G3BP1: variants seen among roughly 807,000 people sequenced by gnomAD.
The protein encoded by G3BP1 is G3BP stress granule assembly factor 1, also known as ras GTPase-activating protein-binding protein 1.
Under a neutral mutation model 58.6 loss-of-function variants are expected in G3BP1, and 35 were observed. The ratio of observed to expected loss-of-function variants is 0.60; its 90% CI spans 0.46 to 0.79. The LOEUF (loss-of-function observed/expected upper bound fraction) is 0.79. Among genes scored for constraint, G3BP1 ranks in the 30% least tolerant of loss-of-function variants. G3BP1 has a pLI of 0.00. For missense variants in G3BP1, 523 were observed against 580.8 expected (o/e 0.90, Z 1.02); for synonymous variants, 191 against 195.4 (o/e 0.98, Z 0.19).
rs1762644696 is a variant in G3BP1, at chr5:151,791,057, C to T, written c.346C>T (p.Pro116Ser). The change falls in exon 4 of 12, where the codon CCT becomes TCT. Residue 116 changes from proline (P) to serine (S), a missense_variant. This residue lies in a region of G3BP1 where 398 missense variants were observed against 399.1 expected (regional missense o/e 1.00). Coordinates refer to ENST00000356245, the MANE Select transcript of G3BP1 (RefSeq NM_005754.3). The stretch of plus-strand genomic sequence containing the variant: ...ATTCATGCAAACGTTTGTCCTTGCT[C>T]CTGAGGTATGTGTAGGAATGATTAT... ...RRFMQTFVLA[P>S]EGSVANKFYV... is the part of the protein sequence containing the mutation. 1 of 1,611,862 alleles carries T rather than the reference C, an allele frequency of 6.2e-7. No individual in the cohort carries two copies. The highest frequency in any genetic ancestry group is 8.5e-7 in the Non-Finnish European group (1 of 1,178,238).
rs73281660 is a variant in G3BP1, at chr5:151,795,744, G to A, written c.539+169G>A. ...TTGACTAAACAAAAATATGTAACTT[G>A]TTTGTTAATAGTAAATTGTACTATG... is the stretch of plus-strand genomic sequence containing the variant. On this transcript the variant is annotated intron_variant, in intron 6 of 11. Coordinates refer to ENST00000356245, the MANE Select transcript of G3BP1 (RefSeq NM_005754.3). Among the ~76,000 whole-genome samples the A allele has an allele frequency of 4.4e-3, 670 of 152,280 alleles. 4 individuals are homozygous for A. Among genetic ancestry groups the A allele is most frequent in the African/African-American group, 0.016 (647 of 41,554 alleles).
At position 151,807,398 on chromosome 5, in the gene G3BP1, C is replaced by G. The variant is rs1191545447; in HGVS notation, c.*3307C>G. The G allele has an allele frequency of 1.3e-5, 2 of 152,170 alleles. No homozygotes were observed. Among genetic ancestry groups the G allele is most frequent in the Non-Finnish European group, 2.9e-5 (2 of 68,018 alleles). The allele number at this position is 152,170 out of a possible 1,614,324, so 9.4% of individuals were successfully genotyped here. On this transcript the variant is annotated 3_prime_UTR_variant, in exon 12 of 12. Transcript: ENST00000356245. ...TTTCAGTAGCATAGACCGCAATGAA[C>G]TTCCTACTGTAGGGAGACTTGAGTC... is the stretch of plus-strand genomic sequence containing the variant.
intron 4 of G3BP1, chr5:151,791,301 T>C (rs1235922526): frequency 3.1e-6 from 1 of 327,150 alleles, no homozygotes; most frequent in Non-Finnish European, 5.7e-6. Flanking sequence ...TCTTCCATTC[T>C]GTAGTACAGT....
chr5:151,793,005 C>A (rs963254477), intron 4 of G3BP1, among the ~76,000 whole-genome samples: 1 of 152,120 alleles, frequency 6.6e-6, no homozygotes, highest in East Asian at 1.9e-4. Flanking sequence ...TGTCTTATAC[C>A]TACTGCGAGC....
rs1762735737 is a variant in G3BP1, at chr5:151,795,584, AT to A, written c.539+13del. ...GATCAGGCAGTTGTCAGGTAAGAAG[AT>A]TTTGTTCACATGTCCGGGGCTGCAT... On this transcript the variant is annotated intron_variant, in intron 6 of 11. Transcript: ENST00000356245. 1.0e-5 allele frequency: 15 copies of A among 1,451,758 alleles called. No individual in the cohort carries two copies. Among genetic ancestry groups the A allele is most frequent in the Non-Finnish European group, 1.5e-5 (15 of 1,034,308 alleles). 89.9% of individuals were successfully genotyped at this position (1,451,758 alleles called of 1,614,324 possible).
At position 151,790,994 on chromosome 5, in the gene G3BP1, A is replaced by G. The variant is rs1322417447; in HGVS notation, c.283A>G (p.Met95Val). ...TLNDGVVVQV[M>V]GLLSNNNQAL... ...AAATGATGGTGTGGTAGTCCAGGTG[A>G]TGGGGCTTCTCTCTAACAACAACCA... Residue 95 changes from methionine (M) to valine (V), a missense_variant, in exon 4 of 12, where the codon ATG becomes GTG. Met to Val is a conservative substitution (Grantham distance 21). This residue lies in a region of G3BP1 where 398 missense variants were observed against 399.1 expected (regional missense o/e 1.00). Transcript: ENST00000356245. The G allele has an allele frequency of 6.2e-7, 1 of 1,613,512 alleles. No individual in the cohort carries two copies.
rs1266116077 is a variant in G3BP1 at position 151,812,487 on chromosome 5, A to G, written c.*8396A>G. 1.3e-5 allele frequency: 2 copies of G among 152,202 alleles called. No individual in the cohort carries two copies. Among genetic ancestry groups the G allele is most frequent in the African/African-American group, 2.4e-5 (1 of 41,448 alleles). The allele number at this position is 152,202 out of a possible 1,614,324, so 9.4% of individuals were successfully genotyped here. On this transcript the variant is annotated 3_prime_UTR_variant, in exon 12 of 12. Coordinates refer to ENST00000356245, the MANE Select transcript of G3BP1 (RefSeq NM_005754.3). ...AGGGAACTTTAAAGACAAAGGGTGC[A>G]TCTTTTGTGCAAGTATCTAAGCGGG...
Position 151,803,906 on chromosome 5 carries a change from G to T in G3BP1, c.1216G>T (p.Val406Phe), listed in dbSNP as rs1247699020. 1.9e-6 allele frequency: 3 copies of T among 1,613,064 alleles called. No individual in the cohort carries two copies. The highest frequency in any genetic ancestry group is 2.5e-6 in the Non-Finnish European group (3 of 1,179,060). Reference protein sequence around the residue: ...SNRPIMFRGEVRLNVEEKKTR... With the variant: ...SNRPIMFRGEFRLNVEEKKTR... ...ACAGCCCATCATGTTCAGAGGTGAG[G>T]TCCGTCTGAATGTCGAAGAGAAGAA... The change falls in exon 12 of 12, where the codon GTC (valine) becomes TTC (phenylalanine). Residue 406 changes from valine (V) to phenylalanine (F), a missense_variant. By Grantham distance (50) the Val-to-Phe change is conservative. Transcript: ENST00000356245.
intron 6 of G3BP1, 126 bp from the exon 7 acceptor site, chr5:151,797,101 C>A (rs1248593910): frequency 3.6e-6 from 3 of 823,472 alleles, no homozygotes; most frequent in Admixed American, 5.5e-5. Context: ...ATATACAATT[C>A]TTAGATTTTT....
At chr5:151,796,791 A>G (rs571945924) in intron 6 of G3BP1, among the ~76,000 whole-genome samples, 1 of 152,298 alleles carries the variant, frequency 6.6e-6, no homozygotes, top group African/African-American at 2.4e-5. Flanking sequence ...GTTCTATGAC[A>G]GATATCTAGG....
chr5:151,802,810 G>A (rs537645841), intron 11 of G3BP1, among the ~76,000 whole-genome samples: 51 of 152,330 alleles, frequency 3.3e-4, no homozygotes, highest in African/African-American at 1.2e-3. Context: ...GCGGACGCCT[G>A]TAGTCCCAGC....
intron 1 of G3BP1, among the ~76,000 whole-genome samples, chr5:151,786,182 T>C (rs2915870): frequency 0.45 from 68,035 of 151,890 alleles, 15,546 homozygotes; most frequent in African/African-American, 0.53. Context: ...CCAGCTACTA[T>C]GGAGGCTGAG....
chr5:151,776,773 GT>G (rs1213871140), intron 1 of G3BP1, among the ~76,000 whole-genome samples: 1 of 150,702 alleles, frequency 6.6e-6, no homozygotes, highest in East Asian at 1.9e-4. Context: ...ATAAAATATC[GT>G]CCAGGCTGTC....
At chr5:151,792,815 C>T (rs774505764) in intron 4 of G3BP1, among the ~76,000 whole-genome samples, 6 of 152,158 alleles carry the variant, frequency 3.9e-5, no homozygotes, top group Non-Finnish European at 5.9e-5. Context: ...AAAAAACTCA[C>T]TGTTGCCCAG....
intron 5 of G3BP1, among the ~76,000 whole-genome samples, chr5:151,794,498 A>G (rs1762715373): frequency 6.6e-6 from 1 of 152,246 alleles, no homozygotes; most frequent in Non-Finnish European, 1.5e-5. Flanking sequence ...TCACAGCGAC[A>G]GTAGTAGTAT....
Position 151,799,956 on chromosome 5 carries a change from G to A in G3BP1, c.911G>A (p.Arg304Gln), listed in dbSNP as rs1429812010. The change falls in exon 9 of 12, where the codon CGA (arginine) becomes CAA (glutamine). Residue 304 changes from arginine to glutamine, a missense_variant. By Grantham distance (43) the Arg-to-Gln change is conservative. Coordinates refer to ENST00000356245, the MANE Select transcript of G3BP1 (RefSeq NM_005754.3). Reference protein sequence around the residue: ...PQRPQRDQRVREQRINIPPQR... With the variant: ...PQRPQRDQRVQEQRINIPPQR... ...AGACCTCAGCGGGATCAAAGAGTGC[G>A]AGAACAACGAATAAATATTCCTCCC... 11 of 1,612,958 alleles carry A rather than the reference G, an allele frequency of 6.8e-6. No homozygotes were observed. Among genetic ancestry groups the A allele is most frequent in the Non-Finnish European group, 6.8e-6 (8 of 1,178,936 alleles).
chr5:151,787,914 CATGT>C (rs1035610194), intron 2 of G3BP1: 16 of 167,724 alleles, frequency 9.5e-5, no homozygotes, highest in African/African-American at 3.8e-4. Context: ...TGTGTGTGTG[CATGT>C]GTGTGTGTGT....
At chr5:151,776,898 T>C (rs1762380969) in intron 1 of G3BP1, among the ~76,000 whole-genome samples, 1 of 86,158 alleles carries the variant, frequency 1.2e-5, no homozygotes, top group South Asian at 5.0e-4. Context: ...TTGTTCCAGC[T>C]TTTTTTTTTT....
intron 4 of G3BP1, among the ~76,000 whole-genome samples, chr5:151,793,015 C>G (rs544707758): frequency 2.4e-4 from 36 of 152,282 alleles, no homozygotes; most frequent in African/African-American, 8.4e-4. Context: ...CTACTGCGAG[C>G]AATCTTTTTC....
Sources: gnomAD v4.1 joint callset for allele counts (sites outside exome capture counted in the v4.1 genomes callset) on GRCh38, gnomAD v4.1.1 for gene constraint, gnomAD v4.1.1 regional missense constraint, MANE v1.5 for transcripts, NCBI Gene and HGNC (gene_info 2026-07-23, HGNC 2026-07-21) for gene names.